Variants in FBXO9 observed in about 807,000 individuals in gnomAD.
FBXO9 encodes F-box protein 9.
Under a neutral mutation model 63.7 loss-of-function variants are expected in FBXO9, and 43 were observed. The observed-to-expected ratio is 0.67, with a 90% CI of 0.53 to 0.87. FBXO9 has a LOEUF of 0.87. FBXO9 is among the 40% of genes least tolerant of loss of function. The pLI, the probability that FBXO9 is intolerant of heterozygous loss-of-function variation, is 0.00. For synonymous variants in FBXO9, 156 were observed against 171.7 expected, an observed-to-expected ratio of 0.91 and a Z score of 0.72; for missense variants, 442 against 533.2, an observed-to-expected ratio of 0.83 and a Z score of 1.68.
intron 3 of FBXO9, 33 bp downstream of exon 3, chr6:53,073,672 T>A (rs75345592): frequency 3.0e-6 from 1 of 338,264 alleles, no homozygotes; most frequent in Non-Finnish European, 3.5e-6. Context: ...CAAATTACAT[T>A]TTTTTTTTTT....
chr6:53,095,524 C>G lies in FBXO9; in HGVS notation c.1065C>G (p.Asp355Glu). Reference sequence around the variant, plus strand: ...CTTTTCTTTTGCAGAAACCACTTGACTATAAATACAGATATTTTCGTCGTG... The same window carrying G: ...CTTTTCTTTTGCAGAAACCACTTGAGTATAAATACAGATATTTTCGTCGTG... ...ITKKKEEKPL[D>E]YKYRYFRRVP... The change falls in exon 12 of 13, where the codon GAC becomes GAG. Residue 355 changes from aspartate to glutamate, a missense_variant. Coordinates refer to ENST00000323557, the MANE Select transcript of FBXO9 (RefSeq NM_033480.3). The G allele has an allele frequency of 1.1e-5, 17 of 1,610,572 alleles. No individual in the cohort carries two copies. Among genetic ancestry groups the G allele is most frequent in the Non-Finnish European group, 1.4e-5 (17 of 1,178,740 alleles).
chr6:53,069,039 A>G (rs1768816781), intron 1 of FBXO9, among the ~76,000 whole-genome samples: 1 of 152,220 alleles, frequency 6.6e-6, no homozygotes, highest in African/African-American at 2.4e-5. Flanking sequence ...CAGCTACTCA[A>G]GAGGTGGAGC....
rs994037744 is a variant in FBXO9 at position 53,100,490 on chromosome 6, TC to T, written c.*2662del. On this transcript the variant is annotated 3_prime_UTR_variant, in exon 13 of 13. Coordinates refer to ENST00000323557, the MANE Select transcript of FBXO9 (RefSeq NM_033480.3). ...AATTGCCTCCTCCTGTCTTGCATTT[TC>T]CTCCCAGCCCCCTTCCTACCCCTTA... 2.0e-5 allele frequency: 3 copies of T among 152,146 alleles called. No homozygotes were observed. The highest frequency in any genetic ancestry group is 7.2e-5 in the African/African-American group (3 of 41,416). 9.4% of individuals were successfully genotyped at this position (152,146 alleles called of 1,614,324 possible). A position where few individuals can be genotyped will look rare whatever the true frequency, so the allele number is the denominator to read the frequency against.
At chr6:53,095,713 T>C in intron 12 of FBXO9, 49 bp downstream of exon 12, 1 of 1,476,912 alleles carries the variant, frequency 6.8e-7, no homozygotes, top group Admixed American at 2.2e-5. Context: ...AATGTATACT[T>C]CGTATCCAGC....
At chr6:53,073,999 A>G (rs911563332) in intron 3 of FBXO9, among the ~76,000 whole-genome samples, 2 of 152,190 alleles carry the variant, frequency 1.3e-5, no homozygotes, top group African/African-American at 4.8e-5. Flanking sequence ...TATTAATAGA[A>G]CCAAAAAGAT....
intron 1 of FBXO9, among the ~76,000 whole-genome samples, chr6:53,068,842 G>A (rs1197851976): frequency 6.6e-6 from 1 of 151,974 alleles, no homozygotes; most frequent in East Asian, 1.9e-4. Flanking sequence ...TAGAGACGGG[G>A]TCTTGCCATG....
rs538735925 is a variant in FBXO9 at position 53,065,922 on chromosome 6, T to G, written c.3+130T>G. 298 of 1,187,482 alleles carry G rather than the reference T, an allele frequency of 2.5e-4. 1 individual carries two copies. In the East Asian group the frequency reaches 8.8e-3, roughly 35 times the overall value. 73.6% of individuals were successfully genotyped at this position (1,187,482 alleles called of 1,614,324 possible). On this transcript the variant is annotated intron_variant, in intron 1 of 12. Transcript: ENST00000323557. ...TGGGAGCTTCACGGCTGCCACCCGT[T>G]AGAGGGCCCTGGCCTGAGAAGGAGT...
intron 12 of FBXO9, among the ~76,000 whole-genome samples, chr6:53,097,041 T>C (rs1039174464): frequency 1.3e-5 from 2 of 152,206 alleles, no homozygotes; most frequent in African/African-American, 4.8e-5. Context: ...GCATTATTTG[T>C]AGCTGCTAAT....
intron 2 of FBXO9, among the ~76,000 whole-genome samples, chr6:53,072,530 C>T (rs1161861057): frequency 1.3e-5 from 2 of 152,098 alleles, no homozygotes; most frequent in African/African-American, 2.4e-5. Context: ...CTTTATTAGC[C>T]GTTGATCAGT....
rs377480356 is a variant in FBXO9 at position 53,082,178 on chromosome 6, G to T, written c.539-326G>T. On this transcript the variant is annotated intron_variant, in intron 6 of 12. Transcript: ENST00000323557. ...TCAAGGAGATGAAAATAACTTTAGT[G>T]TTAATAGATGCAATATGGATCACAC... Among the ~76,000 whole-genome samples the T allele has an allele frequency of 2.0e-5, 3 of 152,154 alleles. No individual in the cohort carries two copies. The East Asian group carries it at 5.8e-4, about 29-fold the overall frequency.
At chr6:53,093,372 A>G (rs978058511) in intron 9 of FBXO9, 94 bp from the exon 10 acceptor site, 3 of 750,676 alleles carry the variant, frequency 4.0e-6, no homozygotes, top group Non-Finnish European at 6.5e-6. Context: ...TGTTGGTTTC[A>G]TAGCTATGAA....
At chr6:53,078,678 A>G in intron 4 of FBXO9, 121 bp from the exon 5 acceptor site, 1 of 677,148 alleles carries the variant, frequency 1.5e-6, no homozygotes, top group Admixed American at 2.6e-5. Context: ...TGTTGCATGT[A>G]GAAAAACAGA....
intron 3 of FBXO9, among the ~76,000 whole-genome samples, chr6:53,074,718 A>G (rs552245003): frequency 6.6e-6 from 1 of 152,372 alleles, no homozygotes; most frequent in South Asian, 2.1e-4. Context: ...TCCAGTATGT[A>G]ACCTTTTGAG....
intron 1 of FBXO9, among the ~76,000 whole-genome samples, chr6:53,068,721 C>T (rs896323252): frequency 2.9e-4 from 43 of 147,120 alleles, no homozygotes; most frequent in Middle Eastern, 3.7e-3. Flanking sequence ...GGTGCAGTCT[C>T]GGCTCACTGC....
intron 7 of FBXO9, among the ~76,000 whole-genome samples, chr6:53,089,223 C>T (rs1373705837): frequency 5.9e-5 from 9 of 152,150 alleles, no homozygotes; most frequent in Admixed American, 1.3e-4. Flanking sequence ...TACAGGCGCC[C>T]GCCACCAGGC....
At chr6:53,070,921 C>G in intron 1 of FBXO9, 136 bp from the exon 2 acceptor site, 1 of 1,425,664 alleles carries the variant, frequency 7.0e-7, no homozygotes, top group Non-Finnish European at 9.4e-7. Flanking sequence ...CCCCTACAGC[C>G]TTGCTACTCA....
At chr6:53,071,330 G>T (rs893418586) in intron 2 of FBXO9, among the ~76,000 whole-genome samples, 187 bp downstream of exon 2, 2 of 152,138 alleles carry the variant, frequency 1.3e-5, no homozygotes, top group East Asian at 1.9e-4. Flanking sequence ...ATCAATAATG[G>T]TTGCTTGTAG....
At chr6:53,068,017 T>C (rs960827985) in intron 1 of FBXO9, 1 of 152,178 alleles carries the variant, frequency 6.6e-6, no homozygotes, top group Non-Finnish European at 1.5e-5. Context: ...GCAAGGCTAA[T>C]TTATGTTCTG....
intron 2 of FBXO9, 49 bp downstream of exon 2, chr6:53,071,192 C>T: frequency 6.7e-7 from 1 of 1,496,882 alleles, no homozygotes; most frequent in Non-Finnish European, 9.1e-7. Context: ...TGTTCCCATA[C>T]ATATGCAGAA....
Sources: allele counts gnomAD v4.1 joint callset (sites outside exome capture counted in the v4.1 genomes callset), GRCh38; gene constraint gnomAD v4.1.1; transcripts MANE v1.5; gene names NCBI Gene and HGNC (gene_info 2026-07-23, HGNC 2026-07-21).